The following WDR64 variants were observed in gnomAD, a reference collection of about 807,000 sequenced individuals.
WDR64 encodes WD repeat-containing protein 64.
A neutral mutation model predicts 139.3 loss-of-function variants in WDR64; 112 were observed. The ratio of observed to expected loss-of-function variants is 0.80; its 90% confidence interval spans 0.69 to 0.94. WDR64 has a LOEUF of 0.94. WDR64 is among the 40% of genes least tolerant of loss of function. The pLI, the probability that WDR64 is intolerant of heterozygous loss-of-function variation, is 0.00. For synonymous variants in WDR64, 444 were observed against 437.7 expected, an observed-to-expected ratio of 1.01 and a Z score of -0.18; for missense variants, 1,206 against 1,293.1, an observed-to-expected ratio of 0.93 and a Z score of 1.03.
intron 17 of WDR64, among the ~76,000 whole-genome samples, chr1:241,770,193 C>T (rs1398445085): frequency 6.6e-6 from 1 of 152,094 alleles, no homozygotes; most frequent in Non-Finnish European, 1.5e-5. Context: ...TGCACCAGAC[C>T]TTAAGCCACT....
At chr1:241,783,724 A>C (rs1008377250) in intron 23 of WDR64, among the ~76,000 whole-genome samples, 4 of 152,238 alleles carry the variant, frequency 2.6e-5, no homozygotes, top group Non-Finnish European at 5.9e-5. Flanking sequence ...CAGAATCAGA[A>C]GTCATAGAAA....
rs1381139090 is a variant in WDR64 at position 241,660,540 on chromosome 1, T to C, written c.156T>C (p.Gly52=). 4 of 1,551,746 alleles carry C rather than the reference T, an allele frequency of 2.6e-6. No individual in the cohort carries two copies. The change falls in exon 2 of 28, where the codon GGT becomes GGC. Residue 52 remains glycine (G), a synonymous_variant. Coordinates refer to ENST00000437684, the MANE Select transcript of WDR64 (RefSeq NM_001367482.1). Reference sequence around the variant, plus strand: ...CTTTTTTCAATGCAGATGCAATTGGTTATGACAAGTTTTATGCATCGGTAC... The same window carrying C: ...CTTTTTTCAATGCAGATGCAATTGGCTATGACAAGTTTTATGCATCGGTAC... ...GLFIHKEDAI[G]YDKFYASVQK...
intron 12 of WDR64, among the ~76,000 whole-genome samples, chr1:241,741,961 T>A (rs1284451741): frequency 2.0e-5 from 3 of 152,160 alleles, no homozygotes; most frequent in African/African-American, 7.2e-5. Context: ...TGCATTTTGA[T>A]TTTTTTAAAG....
chr1:241,792,024 C>T (rs1219193710), intron 25 of WDR64, among the ~76,000 whole-genome samples: 1 of 152,188 alleles, frequency 6.6e-6, no homozygotes, highest in Non-Finnish European at 1.5e-5. Flanking sequence ...TTGATTTCCT[C>T]AAGGTTTTCC....
intron 10 of WDR64, among the ~76,000 whole-genome samples, chr1:241,724,341 T>G (rs891294149): frequency 2.0e-5 from 3 of 152,210 alleles, no homozygotes; most frequent in Non-Finnish European, 2.9e-5. Flanking sequence ...GAGATGGCAC[T>G]TTCCCTGTCC....
chr1:241,695,320 T>C (rs921156791), intron 8 of WDR64, among the ~76,000 whole-genome samples: 1 of 152,210 alleles, frequency 6.6e-6, no homozygotes, highest in Non-Finnish European at 1.5e-5. Context: ...CACAACTATA[T>C]GTTTTTTTTC....
chr1:241,770,320 T>G, intron 17 of WDR64: 1 of 227,464 alleles, frequency 4.4e-6, no homozygotes, highest in East Asian at 9.5e-5. Flanking sequence ...CCCCTTGCCA[T>G]TTCAGTGTAA....
chr1:241,681,891 T>C (rs1428205777), intron 6 of WDR64, among the ~76,000 whole-genome samples: 1 of 152,212 alleles, frequency 6.6e-6, no homozygotes, highest in Non-Finnish European at 1.5e-5. Context: ...GCTGATCATT[T>C]TTTTCCATAT....
chr1:241,744,039 G>A (rs1323042605), intron 12 of WDR64, among the ~76,000 whole-genome samples: 1 of 152,120 alleles, frequency 6.6e-6, no homozygotes, highest in African/African-American at 2.4e-5. Context: ...AGTGTCACCA[G>A]GGAATAAATC....
intron 8 of WDR64, among the ~76,000 whole-genome samples, chr1:241,689,418 T>C (rs1468009926): frequency 2.6e-5 from 4 of 152,038 alleles, no homozygotes; most frequent in Non-Finnish European, 4.4e-5. Flanking sequence ...CTAAAACTTA[T>C]CAAAAGAAAG....
intron 2 of WDR64, among the ~76,000 whole-genome samples, chr1:241,662,974 C>A (rs1219638390): frequency 2.0e-5 from 3 of 151,776 alleles, no homozygotes; most frequent in East Asian, 3.9e-4. Flanking sequence ...CCAAGAATAT[C>A]CAATAGAATT....
intron 23 of WDR64, 72 bp downstream of exon 23, chr1:241,783,453 T>C: frequency 8.8e-7 from 1 of 1,136,924 alleles, no homozygotes. Context: ...TAAGCTAAAG[T>C]TGAAGTATAT....
chr1:241,658,384 C>A (rs574708482), intron 1 of WDR64, among the ~76,000 whole-genome samples: 1 of 151,764 alleles, frequency 6.6e-6, no homozygotes, highest in Non-Finnish European at 1.5e-5. Flanking sequence ...CATCTGTAAT[C>A]CCAGCACTTT....
At chr1:241,723,993 T>C (rs961677489) in intron 10 of WDR64, among the ~76,000 whole-genome samples, 7 of 151,724 alleles carry the variant, frequency 4.6e-5, no homozygotes, top group African/African-American at 1.5e-4. Flanking sequence ...AATAAATAAA[T>C]AAATGTCTAT....
At chr1:241,676,636 A>T (rs569971809) in intron 4 of WDR64, among the ~76,000 whole-genome samples, 2 of 152,372 alleles carry the variant, frequency 1.3e-5, no homozygotes, top group East Asian at 1.9e-4. Flanking sequence ...AAACATGCAC[A>T]TACACACAAA....
intron 14 of WDR64, among the ~76,000 whole-genome samples, chr1:241,752,302 CT>C (rs1238421649): frequency 6.6e-6 from 1 of 152,054 alleles, no homozygotes; most frequent in Non-Finnish European, 1.5e-5. Flanking sequence ...CACAAAGCTA[CT>C]TTTACTTCAT....
chr1:241,696,112 T>G (rs1261266454), intron 8 of WDR64, among the ~76,000 whole-genome samples: 2 of 3,374 alleles, frequency 5.9e-4, no homozygotes, highest in African/African-American at 2.2e-3. Context: ...AGACCCAGTA[T>G]CAAAAAAAAA....
At chr1:241,754,686 C>T (rs759761761) in intron 14 of WDR64, among the ~76,000 whole-genome samples, 1 of 152,084 alleles carries the variant, frequency 6.6e-6, no homozygotes, top group African/African-American at 2.4e-5. Flanking sequence ...CCGTCATCTA[C>T]ATTAGCCATT....
intron 1 of WDR64, among the ~76,000 whole-genome samples, chr1:241,654,610 C>A (rs12076468): frequency 0.18 from 27,382 of 152,074 alleles, 6,264 homozygotes; most frequent in African/African-American, 0.53. Flanking sequence ...ACTGTGTTCT[C>A]TCTCAGTCTT....
Sources: gnomAD v4.1 joint callset for allele counts (sites outside exome capture counted in the v4.1 genomes callset) on GRCh38, gnomAD v4.1.1 for gene constraint, MANE v1.5 for transcripts, NCBI Gene and HGNC (gene_info 2026-07-23, HGNC 2026-07-21) for gene names.